CDK19: variants seen among roughly 807,000 people sequenced by gnomAD.
CDK19 encodes cyclin-dependent kinase 19.
Under a neutral mutation model 68.3 loss-of-function variants are expected in CDK19, and 20 were observed. The ratio of observed to expected loss-of-function variants is 0.29; its 90% CI spans 0.21 to 0.43. The LOEUF (loss-of-function observed/expected upper bound fraction) is 0.43, where lower values mean the gene tolerates loss of function less well. CDK19 is among the 20% of genes least tolerant of loss of function. The pLI is 1.00. For synonymous variants in CDK19, 221 were observed against 222.8 expected, an observed-to-expected ratio of 0.99 and a Z score of 0.07; for missense variants, 339 against 623.5, an observed-to-expected ratio of 0.54 and a Z score of 4.86.
intron 2 of CDK19, among the ~76,000 whole-genome samples, chr6:110,717,444 C>T (rs532049755): frequency 1.3e-5 from 2 of 152,162 alleles, no homozygotes; most frequent in Non-Finnish European, 2.9e-5. Context: ...TACATTTATA[C>T]TAACGCTCCA....
intron 1 of CDK19, chr6:110,813,621 A>G: frequency 6.9e-6 from 1 of 145,222 alleles, no homozygotes; most frequent in East Asian, 2.2e-4. Context: ...GTTCAGTTAC[A>G]AAAGAAAAAA....
chr6:110,640,813 C>G (rs2114776712), intron 4 of CDK19, among the ~76,000 whole-genome samples: 1 of 152,074 alleles, frequency 6.6e-6, no homozygotes. Context: ...AAAAATTATC[C>G]AGGCATGGTG....
Position 110,615,342 on chromosome 6 carries a change from T to C in CDK19, c.1378-676A>G, listed in dbSNP as rs550105500. On this transcript the variant is annotated intron_variant, in intron 12 of 12. Transcript: ENST00000368911. ...TATTACATTAAATGAAACCTTCATCTTCATAGTACCTAACGCAAATACAAA... is the reference window on the plus strand; with the variant it reads ...TATTACATTAAATGAAACCTTCATCCTCATAGTACCTAACGCAAATACAAA... 6.6e-4 allele frequency among the ~76,000 whole-genome samples: 101 copies of C among 152,320 alleles called. 1 individual carries two copies. Among genetic ancestry groups the C allele is most frequent in the South Asian group, 1.7e-3 (8 of 4,830 alleles).
intron 2 of CDK19, among the ~76,000 whole-genome samples, chr6:110,671,977 C>T (rs1027512489): frequency 1.3e-5 from 2 of 152,122 alleles, no homozygotes; most frequent in Admixed American, 6.6e-5. Context: ...AGGGTTTTAC[C>T]ATGTTGGCCA....
intron 12 of CDK19, 110 bp downstream of exon 12, chr6:110,620,994 G>C (rs1246370297): frequency 9.9e-7 from 1 of 1,015,038 alleles, no homozygotes; most frequent in Admixed American, 2.4e-5. Flanking sequence ...CTAGAAACAG[G>C]ATTGCACAGT....
chr6:110,810,513 G>C (rs917775115), intron 1 of CDK19, among the ~76,000 whole-genome samples: 1 of 152,112 alleles, frequency 6.6e-6, no homozygotes, highest in East Asian at 1.9e-4. Flanking sequence ...GGTGGCTCAC[G>C]CCTATAATCC....
intron 12 of CDK19, among the ~76,000 whole-genome samples, chr6:110,615,070 A>AT (rs2114556884): frequency 6.6e-6 from 1 of 152,266 alleles, no homozygotes; most frequent in South Asian, 2.1e-4. Flanking sequence ...ACATGCTATT[A>AT]TTTTTCCCAT....
intron 2 of CDK19, among the ~76,000 whole-genome samples, chr6:110,675,627 C>CA (rs57966061): frequency 0.23 from 12,732 of 55,872 alleles, 1,443 homozygotes; most frequent in Admixed American, 0.31. Context: ...GACTCCATCT[C>CA]AAAAAAAAAA....
rs1190948613 is a variant in CDK19, at chr6:110,632,206, T to C, written c.515-45A>G. On this transcript the variant is annotated intron_variant, in intron 5 of 12. Coordinates refer to ENST00000368911, the MANE Select transcript of CDK19 (RefSeq NM_015076.5). Reference sequence around the variant, plus strand: ...TAACATAAAATTCAGTTTGATTGTTTCTCGTCCTTTTGGCTAAGATCAAGT... The same window carrying C: ...TAACATAAAATTCAGTTTGATTGTTCCTCGTCCTTTTGGCTAAGATCAAGT... 39 of 1,490,864 alleles carry C rather than the reference T, an allele frequency of 2.6e-5. No homozygotes were observed. The Admixed American group carries it at 7.6e-4, about 29-fold the overall frequency. 92.4% of individuals were successfully genotyped at this position (1,490,864 alleles called of 1,614,324 possible).
At chr6:110,769,754 T>C (rs1235521426) in intron 1 of CDK19, among the ~76,000 whole-genome samples, 1 of 152,084 alleles carries the variant, frequency 6.6e-6, no homozygotes, top group Non-Finnish European at 1.5e-5. Context: ...GAAACTGAGT[T>C]GGAGTTGGGA....
At chr6:110,650,864 G>A (rs1262065897) in intron 4 of CDK19, among the ~76,000 whole-genome samples, 2 of 152,188 alleles carry the variant, frequency 1.3e-5, no homozygotes, top group Non-Finnish European at 2.9e-5. Flanking sequence ...AGTCATTTTA[G>A]TACCAGAATT....
intron 2 of CDK19, among the ~76,000 whole-genome samples, chr6:110,714,671 T>C (rs991420573): frequency 6.6e-6 from 1 of 152,128 alleles, no homozygotes; most frequent in African/African-American, 2.4e-5. Flanking sequence ...TTGAGCATCT[T>C]TTCATGTGCT....
intron 6 of CDK19, among the ~76,000 whole-genome samples, chr6:110,627,354 G>GTATATA (rs141776550): frequency 6.0e-5 from 9 of 151,246 alleles, no homozygotes; most frequent in African/African-American, 2.2e-4. Context: ...GTGTGTATGT[G>GTATATA]TATATATATA....
chr6:110,782,662 A>T (rs1780904564), intron 1 of CDK19, among the ~76,000 whole-genome samples: 1 of 152,166 alleles, frequency 6.6e-6, no homozygotes, highest in African/African-American at 2.4e-5. Flanking sequence ...ACAAACATGT[A>T]TTCCCTTTAC....
intron 12 of CDK19, among the ~76,000 whole-genome samples, chr6:110,614,884 C>G (rs1778212402): frequency 6.6e-6 from 1 of 152,054 alleles, no homozygotes; most frequent in South Asian, 2.1e-4. Context: ...TGAAATTTGG[C>G]TAGATTTTTG....
intron 1 of CDK19, among the ~76,000 whole-genome samples, chr6:110,783,958 G>C (rs1011817583): frequency 3.9e-5 from 6 of 151,914 alleles, no homozygotes; most frequent in Admixed American, 2.6e-4. Context: ...TCAGGAGTTC[G>C]AGACCAGCCT....
intron 1 of CDK19, among the ~76,000 whole-genome samples, chr6:110,760,191 T>A (rs949654563): frequency 1.3e-5 from 2 of 151,796 alleles, no homozygotes; most frequent in African/African-American, 4.8e-5. Context: ...AGGCCAGAAA[T>A]TCGAGACTAG....
chr6:110,768,151 C>T (rs1704433768), intron 1 of CDK19, among the ~76,000 whole-genome samples: 1 of 152,164 alleles, frequency 6.6e-6, no homozygotes, highest in South Asian at 2.1e-4. Context: ...TGAAAAGATG[C>T]TCAACTCTCA....
chr6:110,668,251 C>T lies in CDK19; in HGVS notation c.316-677G>A, dbSNP rs574709765. Among the ~76,000 whole-genome samples the T allele has an allele frequency of 2.0e-3, 307 of 152,268 alleles. 1 individual carries two copies. Among genetic ancestry groups the T allele is most frequent in the African/African-American group, 7.3e-3 (302 of 41,546 alleles). ...CCCACCTCCACCTCCATCCCTACCC[C>T]ACCCCTGCCTCTGTCCAAAACATAA... On this transcript the variant is annotated intron_variant, in intron 3 of 12. Coordinates refer to ENST00000368911, the MANE Select transcript of CDK19 (RefSeq NM_015076.5).
Sources: allele counts gnomAD v4.1 joint callset (sites outside exome capture counted in the v4.1 genomes callset), GRCh38; gene constraint gnomAD v4.1.1; transcripts MANE v1.5; gene names NCBI Gene and HGNC (gene_info 2026-07-23, HGNC 2026-07-21).